The following TRIQK variants were observed in gnomAD, a reference collection of about 807,000 sequenced individuals.
TRIQK encodes triple QxxK/R motif-containing protein.
A neutral mutation model predicts 10.8 loss-of-function variants in TRIQK; 10 were observed. That is an observed-to-expected ratio of 0.92 (90% confidence interval 0.57 to 1.57). TRIQK has a LOEUF of 1.57. TRIQK is among the 40% of genes most tolerant of loss of function. The pLI, the probability that TRIQK is intolerant of heterozygous loss-of-function variation, is 0.00. For synonymous variants in TRIQK, 33 were observed against 33.7 expected (o/e 0.98, Z 0.07); for missense variants, 107 against 97.7 (o/e 1.09, Z -0.40).
chr8:92,978,286 C>A (rs1812952480), intron 1 of TRIQK, among the ~76,000 whole-genome samples: 1 of 152,114 alleles, frequency 6.6e-6, no homozygotes, highest in Non-Finnish European at 1.5e-5. Flanking sequence ...TAATCACAGG[C>A]ATTCATAGCC....
At position 92,886,628 on chromosome 8, in the gene TRIQK, T is replaced by C; in HGVS notation, c.255A>G (p.Glu85=). 4.6e-6 allele frequency: 7 copies of C among 1,514,712 alleles called. No individual in the cohort carries two copies. Among genetic ancestry groups the C allele is most frequent in the Non-Finnish European group, 6.2e-6 (7 of 1,135,110 alleles). The allele number at this position is 1,514,712 out of a possible 1,614,324, so 93.8% of individuals were successfully genotyped here. Residue 85 remains glutamate (E), a synonymous_variant, in exon 5 of 5, where the codon GAA becomes GAG. Coordinates refer to ENST00000521988, the MANE Select transcript of TRIQK (RefSeq NM_001171797.2). ...TDVDPDLDQD[E]D ...TGCATTGATTGTTGCTTAGCTAATCTTCATCTTGGTCCAGATCAGGGTCAA... is the reference window on the plus strand; with the variant it reads ...TGCATTGATTGTTGCTTAGCTAATCCTCATCTTGGTCCAGATCAGGGTCAA...
At chr8:93,011,380 T>C (rs906976970) in intron 1 of TRIQK, among the ~76,000 whole-genome samples, 1 of 152,100 alleles carries the variant, frequency 6.6e-6, no homozygotes, top group Non-Finnish European at 1.5e-5. Context: ...TACAACAATA[T>C]TTACTTTTTT....
At chr8:93,004,971 T>C (rs1208154868) in intron 1 of TRIQK, among the ~76,000 whole-genome samples, 1 of 152,210 alleles carries the variant, frequency 6.6e-6, no homozygotes, top group East Asian at 1.9e-4. Context: ...TCCCTCATCT[T>C]CCTGTCTTAT....
intron 1 of TRIQK, among the ~76,000 whole-genome samples, chr8:92,988,295 C>G (rs1010962532): frequency 6.6e-6 from 1 of 151,936 alleles, no homozygotes; most frequent in African/African-American, 2.4e-5. Context: ...GGATTACAGG[C>G]GTGAGCCACT....
intron 2 of TRIQK, among the ~76,000 whole-genome samples, chr8:92,932,775 C>T (rs1045887596): frequency 2.6e-5 from 4 of 152,034 alleles, no homozygotes; most frequent in African/African-American, 9.7e-5. Flanking sequence ...AGTATGTACT[C>T]ATAGATATTT....
intron 1 of TRIQK, among the ~76,000 whole-genome samples, chr8:92,956,383 G>A (rs1309504380): frequency 6.6e-6 from 1 of 151,698 alleles, no homozygotes; most frequent in South Asian, 2.1e-4. Context: ...GCTTAAGGGT[G>A]CAGAGGCAGA....
At chr8:92,938,263 T>G (rs1811092239) in intron 2 of TRIQK, among the ~76,000 whole-genome samples, 1 of 152,016 alleles carries the variant, frequency 6.6e-6, no homozygotes, top group Non-Finnish European at 1.5e-5. Context: ...TTTAAAATTT[T>G]TAATTGAGAT....
intron 3 of TRIQK, among the ~76,000 whole-genome samples, chr8:92,909,719 G>A (rs1809468599): frequency 6.6e-6 from 1 of 151,596 alleles, no homozygotes; most frequent in South Asian, 2.1e-4. Context: ...TATTAAAAAT[G>A]CTAACCAAGC....
Position 92,942,073 on chromosome 8 carries a change from T to C in TRIQK, c.-22+12333A>G, listed in dbSNP as rs970876668. ...GGAGGGAATACTTCCAAACTCATTC[T>C]ATGAGGCCGTAATTACTCTGATAAT... is the stretch of plus-strand genomic sequence containing the variant. On this transcript the variant is annotated intron_variant, in intron 2 of 4. Coordinates refer to ENST00000521988, the MANE Select transcript of TRIQK (RefSeq NM_001171797.2). Among the ~76,000 whole-genome samples the C allele has an allele frequency of 2.6e-5, 4 of 152,186 alleles. 1 individual carries two copies. Among genetic ancestry groups the C allele is most frequent in the Middle Eastern group, 6.3e-3 (2 of 316 alleles).
At chr8:92,979,571 G>GT (rs1563671775) in intron 1 of TRIQK, among the ~76,000 whole-genome samples, 1 of 151,800 alleles carries the variant, frequency 6.6e-6, no homozygotes, top group African/African-American at 2.4e-5. Flanking sequence ...CTTTTAAATG[G>GT]TTTTTTGTAA....
Position 92,885,084 on chromosome 8 carries a change from T to A in TRIQK, c.*1538A>T. On this transcript the variant is annotated 3_prime_UTR_variant, in exon 5 of 5. Transcript: ENST00000521988. Reference sequence around the variant, plus strand: ...GAGTCTGTGAGTTCAAAGGGAAGAATCTAGTAAATAACACCGGCTAAATTT... The same window carrying A: ...GAGTCTGTGAGTTCAAAGGGAAGAAACTAGTAAATAACACCGGCTAAATTT... 4.5e-6 allele frequency: 2 copies of A among 443,012 alleles called. No individual in the cohort carries two copies. The highest frequency in any genetic ancestry group is 9.2e-6 in the Non-Finnish European group (2 of 216,462). 27.4% of individuals were successfully genotyped at this position (443,012 alleles called of 1,614,324 possible). A position where few individuals can be genotyped will look rare whatever the true frequency, so the allele number is the denominator to read the frequency against.
chr8:93,016,182 A>G (rs1813383206), intron 1 of TRIQK, among the ~76,000 whole-genome samples: 1 of 152,226 alleles, frequency 6.6e-6, no homozygotes, highest in South Asian at 2.1e-4. Flanking sequence ...GTCTGATCAT[A>G]AATAATTTAG....
chr8:92,940,095 G>A (rs1009872755), intron 2 of TRIQK, among the ~76,000 whole-genome samples: 9 of 152,116 alleles, frequency 5.9e-5, no homozygotes, highest in South Asian at 2.1e-4. Flanking sequence ...ACATCACAGC[G>A]AAGGTAGTGG....
chr8:92,905,731 G>C (rs1809219022), intron 3 of TRIQK, among the ~76,000 whole-genome samples: 1 of 152,118 alleles, frequency 6.6e-6, no homozygotes, highest in African/African-American at 2.4e-5. Context: ...AGATTCAATG[G>C]AATCTGAAGT....
intron 3 of TRIQK, among the ~76,000 whole-genome samples, chr8:92,908,401 T>C (rs916965911): frequency 6.6e-6 from 1 of 152,176 alleles, no homozygotes; most frequent in Non-Finnish European, 1.5e-5. Context: ...CATTATGCTA[T>C]CAAGCAAGCA....
At chr8:92,921,734 GT>G (rs1403939956) in intron 2 of TRIQK, 7 of 151,804 alleles carry the variant, frequency 4.6e-5, no homozygotes, top group Admixed American at 4.6e-4. Flanking sequence ...TACAATAGTT[GT>G]CATCACTGAA....
At position 92,886,632 on chromosome 8, in the gene TRIQK, T is replaced by C; in HGVS notation, c.251A>G (p.Asp84Gly). Residue 84 changes from aspartate to glycine, a missense_variant, in exon 5 of 5, where the codon GAT (aspartate) becomes GGT (glycine). Coordinates refer to ENST00000521988, the MANE Select transcript of TRIQK (RefSeq NM_001171797.2). ...TTGATTGTTGCTTAGCTAATCTTCA[T>C]CTTGGTCCAGATCAGGGTCAACATC... ...TTDVDPDLDQ[D>G]ED 6.6e-7 allele frequency: 1 copy of C among 1,520,320 alleles called. No homozygotes were observed. Among genetic ancestry groups the C allele is most frequent in the Non-Finnish European group, 8.8e-7 (1 of 1,137,450 alleles). 94.2% of individuals were successfully genotyped at this position (1,520,320 alleles called of 1,614,324 possible).
At chr8:93,008,615 C>G (rs1336691157) in intron 1 of TRIQK, among the ~76,000 whole-genome samples, 1 of 152,148 alleles carries the variant, frequency 6.6e-6, no homozygotes, top group Non-Finnish European at 1.5e-5. Flanking sequence ...AGAAACAGCA[C>G]AGTACTGGCA....
intron 1 of TRIQK, among the ~76,000 whole-genome samples, chr8:93,007,245 A>G (rs771470732): frequency 3.9e-5 from 6 of 152,244 alleles, no homozygotes; most frequent in Non-Finnish European, 7.3e-5. Context: ...AGCAAACTGC[A>G]GCAGCCCTAC....
Sources: allele counts gnomAD v4.1 joint callset (sites outside exome capture counted in the v4.1 genomes callset), GRCh38; gene constraint gnomAD v4.1.1; transcripts MANE v1.5; gene names NCBI Gene and HGNC (gene_info 2026-07-23, HGNC 2026-07-21).